The following INTS4 variants were observed in gnomAD, a reference collection of about 807,000 sequenced individuals.
INTS4 encodes the protein MSTP093.
In INTS4, 70 loss-of-function variants were observed where a neutral mutation model predicts 119.5. That is an observed-to-expected ratio of 0.59 (90% CI 0.48 to 0.71). The LOEUF is 0.71. Among genes scored for constraint, INTS4 ranks in the 30% least tolerant of loss-of-function variants. The pLI, the probability that INTS4 is intolerant of heterozygous loss-of-function variation, is 0.00. For missense variants in INTS4, 867 were observed against 1,173.2 expected (o/e 0.74, Z 3.81); for synonymous variants, 316 against 419.6 (o/e 0.75, Z 3.02).
At chr11:77,984,052 A>T (rs1014083001) in intron 2 of INTS4, among the ~76,000 whole-genome samples, 1 of 152,214 alleles carries the variant, frequency 6.6e-6, no homozygotes, top group Non-Finnish European at 1.5e-5. Context: ...ATTTAGCCTT[A>T]AAAAAGAAGG....
intron 18 of INTS4, 51 bp from the exon 19 acceptor site, chr11:77,894,400 G>A (rs1162436397): frequency 2.0e-6 from 2 of 1,007,130 alleles, no homozygotes; most frequent in Admixed American, 2.2e-5. Flanking sequence ...GCAAACTGAG[G>A]AGGACCAAAA....
chr11:77,878,162 A>T (rs1590987891), downstream of INTS4, among the ~76,000 whole-genome samples: 1 of 152,072 alleles, frequency 6.6e-6, no homozygotes, highest in South Asian at 2.1e-4. Context: ...GGAGATCAAG[A>T]CCATCCTGGC....
intron 8 of INTS4, among the ~76,000 whole-genome samples, chr11:77,945,857 A>G (rs1176265431): frequency 2.6e-5 from 4 of 152,118 alleles, no homozygotes; most frequent in African/African-American, 7.2e-5. Context: ...ACACAGTCCA[A>G]CTGGTCCTGT....
intron 21 of INTS4, among the ~76,000 whole-genome samples, chr11:77,884,394 T>C (rs780330243): frequency 5.3e-5 from 8 of 152,138 alleles, no homozygotes; most frequent in Non-Finnish European, 1.0e-4. Flanking sequence ...TTTATCTCTC[T>C]CTCTACGGAG....
chr11:77,987,884 A>T (rs756369067), intron 2 of INTS4, among the ~76,000 whole-genome samples: 1 of 152,024 alleles, frequency 6.6e-6, no homozygotes, highest in African/African-American at 2.4e-5. Flanking sequence ...TGCCAGGCAC[A>T]GTGGTTCATG....
chr11:77,884,399 A>T (rs940546729), intron 21 of INTS4, among the ~76,000 whole-genome samples: 2 of 152,110 alleles, frequency 1.3e-5, no homozygotes, highest in African/African-American at 4.8e-5. Flanking sequence ...CTCTCTCTCT[A>T]CGGAGAGACG....
chr11:77,971,397 A>G (rs970140799), intron 4 of INTS4, among the ~76,000 whole-genome samples: 1 of 152,132 alleles, frequency 6.6e-6, no homozygotes, highest in African/African-American at 2.4e-5. Flanking sequence ...CTGTAATCCC[A>G]GCACTTTGGG....
At chr11:77,987,030 T>G (rs1246100674) in intron 2 of INTS4, 1 of 152,110 alleles carries the variant, frequency 6.6e-6, no homozygotes, top group Non-Finnish European at 1.5e-5. Flanking sequence ...AAATCAAAAT[T>G]TATGATTAAA....
At chr11:77,985,024 T>C (rs1856400517) in intron 2 of INTS4, among the ~76,000 whole-genome samples, 1 of 152,016 alleles carries the variant, frequency 6.6e-6, no homozygotes, top group South Asian at 2.1e-4. Context: ...TTAGCACTCC[T>C]TCTACTATGA....
chr11:77,972,705 C>G (rs1293595253), intron 4 of INTS4, among the ~76,000 whole-genome samples: 1 of 152,170 alleles, frequency 6.6e-6, no homozygotes, highest in Non-Finnish European at 1.5e-5. Flanking sequence ...GCGTGAGCCA[C>G]CATGCCTGGA....
intron 9 of INTS4, among the ~76,000 whole-genome samples, chr11:77,940,706 G>A (rs1453571442): frequency 2.0e-5 from 3 of 152,078 alleles, no homozygotes; most frequent in Admixed American, 1.3e-4. Context: ...GTGCGATCTC[G>A]GCTCACTGCA....
intron 18 of INTS4, among the ~76,000 whole-genome samples, chr11:77,899,061 T>G (rs539742435): frequency 1.3e-5 from 2 of 152,138 alleles, no homozygotes. Flanking sequence ...TTGCATATAA[T>G]AATTCAATAA....
chr11:77,971,165 T>C (rs1855715184), intron 4 of INTS4, among the ~76,000 whole-genome samples: 1 of 152,202 alleles, frequency 6.6e-6, no homozygotes, highest in African/African-American at 2.4e-5. Flanking sequence ...TTTTGTGTTG[T>C]ATGTTTATCT....
intron 18 of INTS4, among the ~76,000 whole-genome samples, chr11:77,900,236 A>ACT (rs1952721577): frequency 6.6e-6 from 1 of 151,926 alleles, no homozygotes; most frequent in Admixed American, 6.6e-5. Flanking sequence ...AGTAGCTGGG[A>ACT]CTACTGGTGC....
chr11:77,961,527 T>C (rs1332649598), intron 4 of INTS4, among the ~76,000 whole-genome samples: 2 of 152,172 alleles, frequency 1.3e-5, no homozygotes, highest in African/African-American at 2.4e-5. Context: ...ATATGCAAAA[T>C]CTTAAGTGTA....
At chr11:77,927,961 A>G (rs1174150681) in intron 11 of INTS4, among the ~76,000 whole-genome samples, 1 of 152,114 alleles carries the variant, frequency 6.6e-6, no homozygotes, top group Non-Finnish European at 1.5e-5. Flanking sequence ...TCTCCTTTAA[A>G]AAAGATGCAC....
intron 22 of INTS4, among the ~76,000 whole-genome samples, chr11:77,883,335 C>A (rs544723101): frequency 6.6e-6 from 1 of 152,272 alleles, no homozygotes; most frequent in South Asian, 2.1e-4. Context: ...GAAATGTAAT[C>A]TCCTTTGTAC....
chr11:77,938,604 C>T (rs1489316424), intron 10 of INTS4, 47 bp downstream of exon 10: 5 of 1,582,150 alleles, frequency 3.2e-6, no homozygotes, highest in Non-Finnish European at 2.6e-6. Flanking sequence ...GCCTGACACA[C>T]AGCAGTCACT....
At chr11:77,914,982 T>C (rs1020193785) in intron 15 of INTS4, 2 of 202,664 alleles carry the variant, frequency 9.9e-6, no homozygotes, top group African/African-American at 2.3e-5. Context: ...ACTCTGCCAT[T>C]TGGAATATCA....
Sources: gnomAD v4.1 joint callset for allele counts (sites outside exome capture counted in the v4.1 genomes callset) on GRCh38, gnomAD v4.1.1 for gene constraint, MANE v1.5 for transcripts, NCBI Gene and HGNC (gene_info 2026-07-23, HGNC 2026-07-21) for gene names.